The following AHSA1 variants were observed in gnomAD, a reference collection of about 807,000 sequenced individuals.
The protein encoded by AHSA1 is activator of 90 kDa heat shock protein ATPase homolog 1.
In AHSA1, 14 loss-of-function variants were observed where a neutral mutation model predicts 46.1. The ratio of observed to expected loss-of-function variants is 0.30; its 90% CI spans 0.20 to 0.47. The LOEUF (loss-of-function observed/expected upper bound fraction) is 0.47. Ranked by LOEUF, AHSA1 falls within the 20% of genes least tolerant of loss-of-function variation. The pLI is 0.99. For missense variants in AHSA1, 333 were observed against 415.9 expected (o/e 0.80, Z 1.73); for synonymous variants, 147 against 145.8 (o/e 1.01, Z -0.06).
At position 77,459,129 on chromosome 14, in the gene AHSA1, C is replaced by T. The variant is rs564822914; in HGVS notation, c.81-487C>T. Among the ~76,000 whole-genome samples the T allele has an allele frequency of 3.3e-5, 5 of 152,194 alleles. 1 individual carries two copies. In the South Asian group the frequency reaches 8.3e-4, roughly 25 times the overall value. On this transcript the variant is annotated intron_variant, in intron 1 of 8. Transcript: ENST00000216479. The stretch of plus-strand genomic sequence containing the variant: ...GCCCTGGACTTAACGTTTTTGTGGC[C>T]ATCTAGGGGACAGTGAATGTGTAGG...
chr14:77,466,282 TG>T (rs2079047786), intron 6 of AHSA1: 1 of 152,476 alleles, frequency 6.6e-6, no homozygotes, highest in Non-Finnish European at 1.5e-5. Flanking sequence ...GTTCCAGTTT[TG>T]GGTCATATAA....
At chr14:77,465,827 C>CTT (rs370588910) in intron 6 of AHSA1, among the ~76,000 whole-genome samples, 160 bp downstream of exon 6, 8 of 145,992 alleles carry the variant, frequency 5.5e-5, no homozygotes, top group African/African-American at 1.2e-4. Flanking sequence ...CCTCTATTCT[C>CTT]TTTTTTTTTT....
chr14:77,459,367 G>A (rs1404479098), intron 1 of AHSA1, among the ~76,000 whole-genome samples: 1 of 152,172 alleles, frequency 6.6e-6, no homozygotes, highest in Admixed American at 6.5e-5. Flanking sequence ...CCATCATGCC[G>A]AGAAAGGAGA....
chr14:77,462,290 C>T (rs1160166268), intron 3 of AHSA1, 48 bp downstream of exon 3: 1 of 1,536,514 alleles, frequency 6.5e-7, no homozygotes, highest in Admixed American at 1.7e-5. Flanking sequence ...TCCTCTTATT[C>T]TCAGATGAGA....
rs2139939557 is a variant in AHSA1, at chr14:77,462,684, G to A, written c.397G>A (p.Val133Met). ...LAKDEPDTNL[V>M]ALMKEEGVKL... ...CAAAGATGAGCCTGACACAAATCTC[G>A]TGGCCTTAATGAAGGAAGAAGGGGT... Residue 133 changes from valine (V) to methionine (M), a missense_variant, in exon 4 of 9, where the codon GTG (valine) becomes ATG (methionine). Transcript: ENST00000216479. The A allele has an allele frequency of 6.2e-6, 10 of 1,614,158 alleles. No homozygotes were observed. Among genetic ancestry groups the A allele is most frequent in the East Asian group, 4.5e-5 (2 of 44,882 alleles).
intron 2 of AHSA1, among the ~76,000 whole-genome samples, chr14:77,461,321 G>A (rs1362565495): frequency 1.3e-5 from 2 of 152,124 alleles, no homozygotes; most frequent in East Asian, 3.9e-4. Context: ...ACGAGGTCAG[G>A]AATTGGAGAC....
At position 77,464,739 on chromosome 14, in the gene AHSA1, G is replaced by A. The variant is rs139024421; in HGVS notation, c.561+53G>A. 1,583 of 1,491,932 alleles carry A rather than the reference G, an allele frequency of 1.1e-3. 14 individuals carry two copies. In the African/African-American group the frequency reaches 0.019, roughly 18 times the overall value. The allele number at this position is 1,491,932 out of a possible 1,614,324, so 92.4% of individuals were successfully genotyped here. A position where few individuals can be genotyped will look rare whatever the true frequency, so the allele number is the denominator to read the frequency against. ...TGTCTGCAAAGGAACTTGAGAGACC[G>A]CCTTCTTAATTCCACATATCAGCTC... On this transcript the variant is annotated intron_variant, in intron 5 of 8. Transcript: ENST00000216479.
intron 1 of AHSA1, among the ~76,000 whole-genome samples, chr14:77,458,472 TG>T (rs903322742): frequency 1.9e-4 from 29 of 152,014 alleles, no homozygotes; most frequent in African/African-American, 5.6e-4. Flanking sequence ...GGGAGGGAGA[TG>T]GACGTGGAGG....
intron 2 of AHSA1, among the ~76,000 whole-genome samples, chr14:77,460,691 A>G (rs538497515): frequency 1.1e-4 from 16 of 151,260 alleles, no homozygotes; most frequent in African/African-American, 3.9e-4. Flanking sequence ...TCAGCCTCCC[A>G]AGTAGGATTA....
chr14:77,468,905 A>G, intron 8 of AHSA1, 172 bp from the exon 9 acceptor site: 1 of 710,264 alleles, frequency 1.4e-6, no homozygotes, highest in Non-Finnish European at 2.4e-6. Context: ...ATGGAGTTTC[A>G]CCATGTTAGC....
At position 77,462,397 on chromosome 14, in the gene AHSA1, A is replaced by G. The variant is rs2079029593; in HGVS notation, c.354+155A>G. 6 of 775,092 alleles carry G rather than the reference A, an allele frequency of 7.7e-6. No homozygotes were observed. The South Asian group carries it at 1.1e-4, about 14-fold the overall frequency. 48.0% of individuals were successfully genotyped at this position (775,092 alleles called of 1,614,324 possible). ...TTTTCTAGGCATATGGTGCCATTGGAAACTTCTAGAGCAATTTGCACTTCT... is the reference window on the plus strand; with the variant it reads ...TTTTCTAGGCATATGGTGCCATTGGGAACTTCTAGAGCAATTTGCACTTCT... On this transcript the variant is annotated intron_variant, in intron 3 of 8. Transcript: ENST00000216479.
At chr14:77,463,809 G>A (rs2079036580) in intron 4 of AHSA1, among the ~76,000 whole-genome samples, 1 of 152,138 alleles carries the variant, frequency 6.6e-6, no homozygotes, top group Admixed American at 6.5e-5. Context: ...CTTGGTGTTG[G>A]AATATGTATA....
chr14:77,468,934 C>T (rs2079061503), intron 8 of AHSA1, 143 bp from the exon 9 acceptor site: 2 of 904,468 alleles, frequency 2.2e-6, no homozygotes, highest in Non-Finnish European at 3.5e-6. Context: ...TCTGGAACTC[C>T]TGACCTCTGG....
At chr14:77,468,049 CTCTTTTTTTTT>C (rs2079055232) in intron 6 of AHSA1, 23 bp from the exon 7 acceptor site, 17 of 723,596 alleles carry the variant, frequency 2.3e-5, no homozygotes, top group South Asian at 1.1e-4. Context: ...TATCTTCTGC[CTCTTTTTTTTT>C]TTTTTTTTTT....
At chr14:77,459,557 C>T (rs1165137357) in intron 1 of AHSA1, 59 bp from the exon 2 acceptor site, 3 of 1,564,912 alleles carry the variant, frequency 1.9e-6, no homozygotes, top group Non-Finnish European at 2.6e-6. Context: ...TATTCTCTTG[C>T]ATAGAGCAGC....
chr14:77,465,618 C>T lies in AHSA1; in HGVS notation c.641C>T (p.Thr214Ile), dbSNP rs777466895. Residue 214 changes from threonine to isoleucine, a missense_variant, in exon 6 of 9, where the codon ACC becomes ATC. Transcript: ENST00000216479. ...ACTTGTAAGATCACTCTTAAGGAAA[C>T]CTTCCTGACGTCACCAGAGGAGCTC... ...IPTCKITLKE[T>I]FLTSPEELYR... 1.2e-6 allele frequency: 2 copies of T among 1,613,898 alleles called. No homozygotes were observed. The highest frequency in any genetic ancestry group is 1.7e-5 in the Admixed American group (1 of 60,008).
chr14:77,458,327 G>C, intron 1 of AHSA1, 58 bp downstream of exon 1: 1 of 1,522,994 alleles, frequency 6.6e-7, no homozygotes, highest in Non-Finnish European at 8.8e-7. Context: ...CAGGGTTTCA[G>C]GGTTCCTAGA....
intron 2 of AHSA1, among the ~76,000 whole-genome samples, chr14:77,460,911 G>A (rs554989860): frequency 1.2e-4 from 19 of 152,126 alleles, no homozygotes; most frequent in Non-Finnish European, 2.6e-4. Flanking sequence ...TGTAATCCCA[G>A]CACTTTGGGA....
intron 6 of AHSA1, among the ~76,000 whole-genome samples, chr14:77,467,688 C>T (rs1461343956): frequency 6.8e-6 from 1 of 147,746 alleles, no homozygotes; most frequent in Non-Finnish European, 1.5e-5. Flanking sequence ...AGTGAGACTC[C>T]GTCTCAATAA....
Sources: gnomAD v4.1 joint callset for allele counts (sites outside exome capture counted in the v4.1 genomes callset) on GRCh38, gnomAD v4.1.1 for gene constraint, MANE v1.5 for transcripts, NCBI Gene and HGNC (gene_info 2026-07-23, HGNC 2026-07-21) for gene names.